ANO3: variants seen among roughly 807,000 people sequenced by gnomAD.
ANO3 encodes the protein anoctamin 3.
ANO3 carries 99 observed loss-of-function variants against 144.8 expected under a neutral mutation model. That is an observed-to-expected ratio of 0.68 (90% CI 0.58 to 0.81). The LOEUF is 0.81. Ranked by LOEUF, ANO3 falls within the 30% of genes least tolerant of loss-of-function variation. The pLI is 0.00. For synonymous variants in ANO3, 414 were observed against 392.6 expected (o/e 1.05, Z -0.64); for missense variants, 905 against 1,202.2 (o/e 0.75, Z 3.66).
intron 19 of ANO3, among the ~76,000 whole-genome samples, chr11:26,634,632 T>C (rs920262961): frequency 1.3e-5 from 2 of 152,224 alleles, no homozygotes; most frequent in Non-Finnish European, 2.9e-5. Context: ...ATTAAACTAA[T>C]GATTCTGCTT....
chr11:26,610,293 C>T (rs1012469368), intron 17 of ANO3, among the ~76,000 whole-genome samples: 2 of 142,716 alleles, frequency 1.4e-5, no homozygotes, highest in Non-Finnish European at 3.0e-5. Context: ...TCTCTGATGA[C>T]TAGGGATGTT....
chr11:26,330,466 C>G (rs1475015443), upstream of ANO3, among the ~76,000 whole-genome samples: 2 of 152,114 alleles, frequency 1.3e-5, no homozygotes, highest in Non-Finnish European at 2.9e-5. Flanking sequence ...ATACTGAGCT[C>G]TTATTGAATG....
intron 12 of ANO3, 147 bp downstream of exon 12, chr11:26,547,697 T>C: frequency 1.3e-6 from 1 of 758,572 alleles, no homozygotes; most frequent in East Asian, 2.7e-5. Context: ...GCTTTTGTTT[T>C]TGGTAGGAAG....
At chr11:26,611,410 G>T (rs562129340) in intron 17 of ANO3, among the ~76,000 whole-genome samples, 4 of 152,012 alleles carry the variant, frequency 2.6e-5, no homozygotes, top group South Asian at 4.2e-4. Flanking sequence ...TTTCATGTTC[G>T]TAAGATTTCT....
At chr11:26,302,774 A>C (rs1170941844) in intron 1 of ANO3, among the ~76,000 whole-genome samples, 1 of 152,206 alleles carries the variant, frequency 6.6e-6, no homozygotes, top group South Asian at 2.1e-4. Flanking sequence ...GGACATATAT[A>C]TGTGTTTAGA....
intron 1 of ANO3, among the ~76,000 whole-genome samples, chr11:26,250,802 G>C (rs1212701144): frequency 6.6e-6 from 1 of 152,096 alleles, no homozygotes; most frequent in Non-Finnish European, 1.5e-5. Flanking sequence ...TTAAGGTCGG[G>C]TTACATCCCA....
At chr11:26,630,318 G>A (rs1852735029) in intron 18 of ANO3, among the ~76,000 whole-genome samples, 1 of 152,128 alleles carries the variant, frequency 6.6e-6, no homozygotes, top group Non-Finnish European at 1.5e-5. Flanking sequence ...GTCTTCACTG[G>A]CATTTCTCAC....
At chr11:26,659,488 G>A (rs61877280) in intron 26 of ANO3, among the ~76,000 whole-genome samples, 4,722 of 152,030 alleles carry the variant, frequency 0.031, 104 homozygotes, top group Non-Finnish European at 0.049. Context: ...GAGCCCAGGA[G>A]CTCGAGGCCA....
At position 26,521,260 on chromosome 11, in the gene ANO3, A is replaced by G. The variant is rs1862062524; in HGVS notation, c.692+4333A>G. Among the ~76,000 whole-genome samples the G allele has an allele frequency of 2.0e-5, 3 of 152,260 alleles. No individual in the cohort carries two copies. The South Asian group carries it at 6.2e-4, about 32-fold the overall frequency. On this transcript the variant is annotated intron_variant, in intron 6 of 26. Transcript: ENST00000256737. ...TAAAATAATAACCTAAATAGGAAAC[A>G]TATGTATCTCTTTTTAGGATAATAT...
chr11:26,328,956 A>G (rs1013955120), upstream of ANO3, among the ~76,000 whole-genome samples: 3 of 151,538 alleles, frequency 2.0e-5, no homozygotes, highest in Non-Finnish European at 4.4e-5. Context: ...TTTTTTTTCT[A>G]CTTTGGAAAA....
chr11:26,647,643 A>C, intron 23 of ANO3, 66 bp from the exon 24 acceptor site: 1 of 1,456,960 alleles, frequency 6.9e-7, no homozygotes, highest in East Asian at 2.3e-5. Context: ...TTTCCAAAAT[A>C]AGATTAATTA....
chr11:26,453,891 A>G (rs892864184), intron 3 of ANO3, among the ~76,000 whole-genome samples: 1 of 152,118 alleles, frequency 6.6e-6, no homozygotes, highest in African/African-American at 2.4e-5. Context: ...GGACCACAGT[A>G]CAATCAAACT....
At chr11:26,393,724 G>A (rs1214561993) in intron 1 of ANO3, among the ~76,000 whole-genome samples, 1 of 152,098 alleles carries the variant, frequency 6.6e-6, no homozygotes, top group East Asian at 1.9e-4. Flanking sequence ...TGAAATGATA[G>A]CAAATATATT....
intron 1 of ANO3, among the ~76,000 whole-genome samples, chr11:26,218,787 C>T (rs1852084297): frequency 6.6e-6 from 1 of 151,666 alleles, no homozygotes; most frequent in South Asian, 2.1e-4. Context: ...AGCCTGTAGC[C>T]CATAACATGG....
intron 4 of ANO3, among the ~76,000 whole-genome samples, chr11:26,465,721 G>GA (rs1268253021): frequency 1.3e-5 from 2 of 151,942 alleles, no homozygotes; most frequent in South Asian, 4.1e-4. Flanking sequence ...AAGAAATACA[G>GA]AAAAACATCT....
At chr11:26,377,290 T>A (rs1856440192) in intron 1 of ANO3, among the ~76,000 whole-genome samples, 1 of 152,148 alleles carries the variant, frequency 6.6e-6, no homozygotes, top group Admixed American at 6.5e-5. Flanking sequence ...GATATTGAAT[T>A]ATCAAATGTA....
At chr11:26,214,134 T>A (rs1450267429) in intron 1 of ANO3, among the ~76,000 whole-genome samples, 1 of 151,984 alleles carries the variant, frequency 6.6e-6, no homozygotes, top group African/African-American at 2.4e-5. Context: ...ATAAGTGTAA[T>A]TTGAATAAAA....
intron 1 of ANO3, among the ~76,000 whole-genome samples, chr11:26,212,453 T>A (rs939605293): frequency 1.3e-5 from 2 of 151,108 alleles, no homozygotes; most frequent in African/African-American, 4.9e-5. Context: ...AAAGGGGATA[T>A]CACCACTGAT....
intron 17 of ANO3, among the ~76,000 whole-genome samples, chr11:26,614,878 C>T (rs954994196): frequency 6.6e-6 from 1 of 152,142 alleles, no homozygotes; most frequent in Non-Finnish European, 1.5e-5. Flanking sequence ...CACTCTACTT[C>T]AGTCACTTTA....
Sources: allele counts gnomAD v4.1 joint callset (sites outside exome capture counted in the v4.1 genomes callset), GRCh38; gene constraint gnomAD v4.1.1; transcripts MANE v1.5; gene names NCBI Gene and HGNC (gene_info 2026-07-23, HGNC 2026-07-21).